The following HID1 variants were observed in gnomAD, a reference collection of about 807,000 sequenced individuals.
HID1 encodes the protein protein HID1.
In HID1, 42 loss-of-function variants were observed where a neutral mutation model predicts 89.7. That is an observed-to-expected ratio of 0.47 (90% CI 0.37 to 0.61). The LOEUF is 0.61. Ranked by LOEUF, HID1 falls within the 20% of genes least tolerant of loss-of-function variation. The pLI, the probability that HID1 is intolerant of heterozygous loss-of-function variation, is 0.00. For synonymous variants in HID1, 442 were observed against 433.8 expected, an observed-to-expected ratio of 1.02 and a Z score of -0.24; for missense variants, 854 against 1,039.3, an observed-to-expected ratio of 0.82 and a Z score of 2.45.
Position 74,958,179 on chromosome 17 carries a change from T to TGCAACC in HID1, c.1427_1432dup (p.Arg476_Leu477dup), listed in dbSNP as rs759247515. Reference sequence around the variant, plus strand: ...GGTGAGCAGGCAGTCGAAGAGGGGCTGCAACCGCTGGTGCCCGCTGGTGAT... The same window carrying TGCAACC: ...GGTGAGCAGGCAGTCGAAGAGGGGCTGCAACCGCAACCGCTGGTGCCCGCTGGTGAT... On this transcript the variant is annotated inframe_insertion, in exon 12 of 19. Coordinates refer to ENST00000425042, the MANE Select transcript of HID1 (RefSeq NM_030630.3). The surrounding 1 kb of genome is among the most constrained non-coding windows in gnomAD (Gnocchi z 5.2). 6.2e-7 allele frequency: 1 copy of TGCAACC among 1,611,032 alleles called. No individual in the cohort carries two copies. Among genetic ancestry groups the TGCAACC allele is most frequent in the African/African-American group, 1.3e-5 (1 of 74,842 alleles).
At position 74,958,637 on chromosome 17, in the gene HID1, A is replaced by G; in HGVS notation, c.1240+36T>C. ...GCCAGCCCTCCACCTCGCCGCCAGG[A>G]AAGCCCCCAGCATCCCACCCCCACC... is the stretch of plus-strand genomic sequence containing the variant. On this transcript the variant is annotated intron_variant, in intron 10 of 18. Coordinates refer to ENST00000425042, the MANE Select transcript of HID1 (RefSeq NM_030630.3). This position sits in a 1 kb window ranked among gnomAD's most constrained non-coding sequence, Gnocchi z 5.2. 6.3e-7 allele frequency: 1 copy of G among 1,584,500 alleles called. No homozygotes were observed. Among genetic ancestry groups the G allele is most frequent in the South Asian group, 1.1e-5 (1 of 90,404 alleles).
intron 15 of HID1, 89 bp downstream of exon 15, chr17:74,953,456 C>T (rs1466658047): frequency 5.7e-6 from 6 of 1,050,006 alleles, no homozygotes; most frequent in Non-Finnish European, 8.5e-6. Context: ...CAGGTGACCC[C>T]AGAGTGCCCC....
Position 74,954,371 on chromosome 17 carries a change from G to T in HID1, c.1637-6C>A. 1 of 1,558,780 alleles carries T rather than the reference G, an allele frequency of 6.4e-7. No homozygotes were observed. On this transcript the variant is annotated splice_region_variant and splice_polypyrimidine_tract_variant and intron_variant, in intron 13 of 18. Coordinates refer to ENST00000425042, the MANE Select transcript of HID1 (RefSeq NM_030630.3). ...GTAGACCAGGTTGGAGTTGCCTGTG[G>T]GCAGGGAGCATGCCTCGCCTCAGGG... is the stretch of plus-strand genomic sequence containing the variant.
chr17:74,964,188 C>T, intron 2 of HID1: 1 of 592,928 alleles, frequency 1.7e-6, no homozygotes, highest in Admixed American at 3.0e-5. Flanking sequence ...AGTCTCCCAG[C>T]CTCAGTTTCC....
Position 74,972,287 on chromosome 17 carries a change from C to T in HID1, c.66+304G>A, listed in dbSNP as rs1437646038. ...ATGCGAAGCTGGGGACGCCGCGGGG[C>T]GGGACAGGGGGCGGACAGCTGTGTC... On this transcript the variant is annotated intron_variant, in intron 1 of 18. Transcript: ENST00000425042. The surrounding 1 kb of genome is among the most constrained non-coding windows in gnomAD (Gnocchi z 6.4). 1.8e-5 allele frequency among the ~76,000 whole-genome samples: 2 copies of T among 113,426 alleles called. No individual in the cohort carries two copies. The highest frequency in any genetic ancestry group is 6.8e-5 in the African/African-American group (2 of 29,568). The allele number at this position is 113,426 out of a possible 152,430, so 74.4% of individuals were successfully genotyped here. A position where few individuals can be genotyped will look rare whatever the true frequency, so the allele number is the denominator to read the frequency against.
At chr17:74,954,722 A>C (rs9892476) in intron 13 of HID1, 297,401 of 312,358 alleles carry the variant, frequency 0.95, 141,613 homozygotes, top group East Asian at 1. Context: ...CTCTCTTCCC[A>C]CCTCCCCTCG....
intron 6 of HID1, among the ~76,000 whole-genome samples, chr17:74,960,960 G>A (rs779933804): frequency 1.8e-5 from 2 of 114,152 alleles, no homozygotes; most frequent in Admixed American, 9.5e-5. Context: ...CCGTGCTCAC[G>A]TGTCCCCCAC....
intron 6 of HID1, 122 bp from the exon 7 acceptor site, chr17:74,960,370 A>T: frequency 1.2e-6 from 1 of 823,496 alleles, no homozygotes; most frequent in East Asian, 2.7e-5. Context: ...CACGTCAGGG[A>T]GTGGCTTGGA....
intron 1 of HID1, among the ~76,000 whole-genome samples, chr17:74,969,768 A>AT (rs572842467): frequency 6.6e-6 from 1 of 150,376 alleles, no homozygotes; most frequent in Non-Finnish European, 1.5e-5. Context: ...AGCCCAGCTA[A>AT]TTTTTTTTAT....
At chr17:74,965,184 G>T (rs965108388) in intron 1 of HID1, among the ~76,000 whole-genome samples, 5 of 152,188 alleles carry the variant, frequency 3.3e-5, no homozygotes, top group African/African-American at 7.2e-5. Context: ...GCCCCTCTCA[G>T]CGCCCACCTC....
chr17:74,962,667 A>C lies in HID1; in HGVS notation c.504+298T>G, dbSNP rs1352356843. 1.3e-5 allele frequency among the ~76,000 whole-genome samples: 2 copies of C among 152,186 alleles called. No individual in the cohort carries two copies. The highest frequency in any genetic ancestry group is 3.9e-4 in the East Asian group (2 of 5,162). Reference sequence around the variant, plus strand: ...GCAGAGAAGACTCAAGGTGAAGTCCATGCCACCACAGGAAGCAAGAGGGCC... The same window carrying C: ...GCAGAGAAGACTCAAGGTGAAGTCCCTGCCACCACAGGAAGCAAGAGGGCC... On this transcript the variant is annotated intron_variant, in intron 4 of 18. Transcript: ENST00000425042. This position sits in a 1 kb window ranked among gnomAD's most constrained non-coding sequence, Gnocchi z 4.3.
intron 1 of HID1, among the ~76,000 whole-genome samples, chr17:74,969,869 G>A (rs1321341140): frequency 6.6e-6 from 1 of 151,748 alleles, no homozygotes; most frequent in Non-Finnish European, 1.5e-5. Flanking sequence ...CCAAAGTGCT[G>A]GGATTACAGC....
chr17:74,968,990 A>C (rs1265510345), intron 1 of HID1, among the ~76,000 whole-genome samples: 2 of 152,190 alleles, frequency 1.3e-5, no homozygotes, highest in African/African-American at 4.8e-5. Flanking sequence ...CTGTTTCCTC[A>C]GCTTGGGCCT....
rs757343675 is a variant in HID1 at position 74,964,594 on chromosome 17, G to T, written c.105C>A (p.Phe35Leu). The change falls in exon 2 of 19, where the codon TTC becomes TTA. Residue 35 changes from phenylalanine to leucine, a missense_variant. Physicochemically the swap from Phe to Leu is conservative, Grantham distance 22. Transcript: ENST00000425042. Reference sequence around the variant, plus strand: ...GCACCGAGGTGGCTGTGTCTGCCCAGAACTGGTCCCAAAAGGCATCATCGG... The same window carrying T: ...GCACCGAGGTGGCTGTGTCTGCCCATAACTGGTCCCAAAAGGCATCATCGG... ...EATDDAFWDQFWADTATSVQD... is the reference protein window; with the variant it reads ...EATDDAFWDQLWADTATSVQD... The T allele has an allele frequency of 5.0e-6, 8 of 1,612,666 alleles. No individual in the cohort carries two copies. The highest frequency in any genetic ancestry group is 6.8e-6 in the Non-Finnish European group (8 of 1,179,568).
At chr17:74,963,321 C>A (rs764476535) in intron 3 of HID1, 3 of 523,920 alleles carry the variant, frequency 5.7e-6, no homozygotes, top group Admixed American at 6.9e-5. Flanking sequence ...GGGGGCCGGG[C>A]GGTGACCCCA....
intron 1 of HID1, among the ~76,000 whole-genome samples, chr17:74,969,218 C>T (rs1424328121): frequency 3.9e-5 from 6 of 151,910 alleles, no homozygotes; most frequent in African/African-American, 1.5e-4. Context: ...TTTTTGAGAC[C>T]GAGTCTTGCT....
intron 1 of HID1, among the ~76,000 whole-genome samples, chr17:74,971,032 G>A (rs945176541): frequency 6.6e-6 from 1 of 152,182 alleles, no homozygotes; most frequent in Non-Finnish European, 1.5e-5. Flanking sequence ...GCCCATCATA[G>A]GGCTGTAGCC....
chr17:74,962,221 G>C lies in HID1; in HGVS notation c.611+13C>G. The C allele has an allele frequency of 6.3e-7, 1 of 1,595,494 alleles. No individual in the cohort carries two copies. Among genetic ancestry groups the C allele is most frequent in the Admixed American group, 1.7e-5 (1 of 59,418 alleles). Reference sequence around the variant, plus strand: ...CAGCTGCATTGAGGGCTCCGGGCCTGGGCGAAGCTCACCGGTTCATATCGT... The same window carrying C: ...CAGCTGCATTGAGGGCTCCGGGCCTCGGCGAAGCTCACCGGTTCATATCGT... On this transcript the variant is annotated intron_variant, in intron 5 of 18. Coordinates refer to ENST00000425042, the MANE Select transcript of HID1 (RefSeq NM_030630.3). This position sits in a 1 kb window ranked among gnomAD's most constrained non-coding sequence, Gnocchi z 4.3.
In HID1 at chr17:74,958,940, G is replaced by C. The variant is rs1343025481; in HGVS notation, c.1120C>G (p.Leu374Val). 3 of 1,603,256 alleles carry C rather than the reference G, an allele frequency of 1.9e-6. No homozygotes were observed. Among genetic ancestry groups the C allele is most frequent in the African/African-American group, 2.7e-5 (2 of 74,166 alleles). ...TTGAAGTCGCAGAGCTTCCAGAAGA[G>C]AACTAGCAGCTCCTGGTGGAACTGG... ...KIQFHQELLVLFWKLCDFNKK... is the reference protein window; with the variant it reads ...KIQFHQELLVVFWKLCDFNKK... The change falls in exon 9 of 19, where the codon CTC becomes GTC. Residue 374 changes from leucine to valine, a missense_variant. Transcript: ENST00000425042. This position sits in a 1 kb window ranked among gnomAD's most constrained non-coding sequence, Gnocchi z 5.2.
Sources: allele counts gnomAD v4.1 joint callset (sites outside exome capture counted in the v4.1 genomes callset), GRCh38; gene constraint gnomAD v4.1.1; non-coding constraint Gnocchi (gnomAD v3.1); transcripts MANE v1.5; gene names NCBI Gene and HGNC (gene_info 2026-07-23, HGNC 2026-07-21).